Variants in CHRM5 observed in about 807,000 individuals in gnomAD.
The protein encoded by CHRM5 is cholinergic receptor muscarinic 5.
In CHRM5, 18 loss-of-function variants were observed where a neutral mutation model predicts 39.0. That is an observed-to-expected ratio of 0.46 (90% CI 0.32 to 0.68). CHRM5 has a LOEUF of 0.68. CHRM5 is among the 30% of genes least tolerant of loss of function. The pLI, the probability that CHRM5 is intolerant of heterozygous loss-of-function variation, is 0.04. For missense variants in CHRM5, 515 were observed against 651.1 expected (o/e 0.79, Z 2.28); for synonymous variants, 241 against 246.3 (o/e 0.98, Z 0.20).
intron 1 of CHRM5, among the ~76,000 whole-genome samples, chr15:34,027,825 C>CAAA (rs539182561): frequency 0.023 from 1,391 of 61,206 alleles, 39 homozygotes; most frequent in African/African-American, 0.047. Context: ...AGGTGAGGCT[C>CAAA]AAAAAAAAAA....
At position 34,064,215 on chromosome 15, in the gene CHRM5, A is replaced by G; in HGVS notation, c.1498A>G (p.Arg500Gly). Residue 500 changes from arginine to glycine, a missense_variant, in exon 3 of 3, where the codon AGA becomes GGA. By Grantham distance (125) the Arg-to-Gly change is moderately radical. Coordinates refer to ENST00000383263, the MANE Select transcript of CHRM5 (RefSeq NM_012125.4). ...CCCCATCTGCTATGCCCTCTGCAAC[A>G]GAACCTTCAGGAAGACCTTTAAGAT... Reference protein sequence around the residue: ...VNPICYALCNRTFRKTFKMLL... With the variant: ...VNPICYALCNGTFRKTFKMLL... The G allele has an allele frequency of 6.2e-7, 1 of 1,614,214 alleles. No homozygotes were observed.
At chr15:34,022,800 G>A (rs191739564) in intron 1 of CHRM5, among the ~76,000 whole-genome samples, 32 of 152,298 alleles carry the variant, frequency 2.1e-4, no homozygotes, top group Non-Finnish European at 2.9e-5. Flanking sequence ...TGACCTTCTG[G>A]CTGGAAGGAT....
chr15:33,978,379 A>G (rs544263529), intron 1 of CHRM5, among the ~76,000 whole-genome samples: 2 of 152,260 alleles, frequency 1.3e-5, no homozygotes, highest in South Asian at 4.2e-4. Context: ...ATTAAAGCGT[A>G]CAGGCCGGGC....
chr15:34,001,069 G>A (rs1897120518), intron 1 of CHRM5, among the ~76,000 whole-genome samples: 1 of 145,922 alleles, frequency 6.9e-6, no homozygotes, highest in Non-Finnish European at 1.5e-5. Context: ...TGCCCAGGCT[G>A]GAGTGCAGTG....
intron 1 of CHRM5, among the ~76,000 whole-genome samples, chr15:34,014,199 C>T (rs1055391312): frequency 2.0e-5 from 3 of 151,868 alleles, no homozygotes; most frequent in African/African-American, 7.3e-5. Context: ...CCCATCTCTA[C>T]TAAAAATATG....
In CHRM5 at chr15:33,995,539, A is replaced by G. The variant is rs143803183; in HGVS notation, c.-408+26389A>G. ...ACCATCCCTCTTGGATACCAAGGGAAAACTTTTGAGTCCTTAAGTCCTCAA... is the reference window on the plus strand; with the variant it reads ...ACCATCCCTCTTGGATACCAAGGGAGAACTTTTGAGTCCTTAAGTCCTCAA... On this transcript the variant is annotated intron_variant, in intron 1 of 2. Coordinates refer to ENST00000383263, the MANE Select transcript of CHRM5 (RefSeq NM_012125.4). Among the ~76,000 whole-genome samples, 8 of 152,298 alleles carry G rather than the reference A, an allele frequency of 5.3e-5. No individual in the cohort carries two copies. The East Asian group carries it at 1.5e-3, about 29-fold the overall frequency.
chr15:33,993,643 AAT>A (rs1896817514), intron 1 of CHRM5, among the ~76,000 whole-genome samples: 1 of 152,240 alleles, frequency 6.6e-6, no homozygotes, highest in Non-Finnish European at 1.5e-5. Context: ...GAGCTTATAG[AAT>A]AATTATTAAA....
chr15:33,984,427 A>T (rs1316027459), intron 1 of CHRM5, among the ~76,000 whole-genome samples: 4 of 150,914 alleles, frequency 2.7e-5, no homozygotes, highest in African/African-American at 9.7e-5. Context: ...TTTGAGACAG[A>T]GTTTCACTCT....
chr15:34,038,353 C>A (rs1001240698), intron 1 of CHRM5, among the ~76,000 whole-genome samples: 1 of 152,224 alleles, frequency 6.6e-6, no homozygotes. Flanking sequence ...AATCCTTTCC[C>A]TCCTAATAAC....
At chr15:34,057,860 TG>T (rs746545188) in intron 2 of CHRM5, among the ~76,000 whole-genome samples, 27 of 152,242 alleles carry the variant, frequency 1.8e-4, no homozygotes, top group Admixed American at 3.3e-4. Context: ...AGCTGACCAA[TG>T]CCAAATTGTG....
chr15:34,056,648 AGCCTCG>A (rs1436307971), intron 2 of CHRM5, among the ~76,000 whole-genome samples: 4 of 152,330 alleles, frequency 2.6e-5, no homozygotes, highest in East Asian at 3.9e-4. Flanking sequence ...AGACTGTGTT[AGCCTCG>A]GCTCTCCTCA....
intron 2 of CHRM5, among the ~76,000 whole-genome samples, chr15:34,058,481 A>C (rs556400790): frequency 1.2e-4 from 18 of 151,988 alleles, no homozygotes; most frequent in Non-Finnish European, 2.1e-4. Context: ...GGAGAGAGAG[A>C]GAGCCAATTT....
At chr15:34,000,451 G>A (rs1046991589) in intron 1 of CHRM5, among the ~76,000 whole-genome samples, 5 of 152,142 alleles carry the variant, frequency 3.3e-5, no homozygotes, top group Admixed American at 6.5e-5. Flanking sequence ...CAGAGATGAC[G>A]AACACCAGGA....
chr15:34,061,032 AT>A (rs555025780), intron 2 of CHRM5, among the ~76,000 whole-genome samples: 1,612 of 148,224 alleles, frequency 0.011, 15 homozygotes, highest in African/African-American at 0.012. Flanking sequence ...AAAAAAAAAG[AT>A]TTTTTTTTTC....
chr15:34,011,890 G>A (rs1415396070), intron 1 of CHRM5, among the ~76,000 whole-genome samples: 1 of 152,152 alleles, frequency 6.6e-6, no homozygotes, highest in Admixed American at 6.5e-5. Context: ...AATGACTTAA[G>A]GATAATTTGG....
intron 1 of CHRM5, among the ~76,000 whole-genome samples, chr15:33,979,581 AAG>A (rs1312811631): frequency 6.6e-6 from 1 of 152,234 alleles, no homozygotes; most frequent in African/African-American, 2.4e-5. Flanking sequence ...GTATGGCCTT[AAG>A]TTAAACCTCA....
chr15:33,997,472 T>C (rs534660627), intron 1 of CHRM5, among the ~76,000 whole-genome samples: 1 of 152,194 alleles, frequency 6.6e-6, no homozygotes, highest in Admixed American at 6.5e-5. Flanking sequence ...CCACACCAAC[T>C]CACAGCCAGG....
At chr15:33,982,490 G>A (rs1316510678) in intron 1 of CHRM5, among the ~76,000 whole-genome samples, 1 of 152,114 alleles carries the variant, frequency 6.6e-6, no homozygotes, top group East Asian at 1.9e-4. Context: ...AATAACATAT[G>A]GTTAAGAGGC....
At chr15:34,008,282 A>C (rs957416250) in intron 1 of CHRM5, among the ~76,000 whole-genome samples, 4 of 151,856 alleles carry the variant, frequency 2.6e-5, no homozygotes, top group South Asian at 2.1e-4. Flanking sequence ...TTAGCCAGGT[A>C]TGGTGGTGTA....
Sources: gnomAD v4.1 joint callset for allele counts (sites outside exome capture counted in the v4.1 genomes callset) on GRCh38, gnomAD v4.1.1 for gene constraint, MANE v1.5 for transcripts, NCBI Gene and HGNC (gene_info 2026-07-23, HGNC 2026-07-21) for gene names.